Variants in EFHB observed in about 807,000 individuals in gnomAD.
EFHB encodes the protein EF-hand domain-containing family member B.
A neutral mutation model predicts 87.2 loss-of-function variants in EFHB; 91 were observed. The ratio of observed to expected loss-of-function variants is 1.04; its 90% CI spans 0.88 to 1.24. EFHB has a LOEUF of 1.24. Among genes scored for constraint, EFHB ranks in the 50% most tolerant of loss-of-function variants. The probability of loss-of-function intolerance (pLI) is 0.00; values close to 1 mark genes in which losing one functional copy is unlikely to be tolerated. For missense variants in EFHB, 1,084 were observed against 998.8 expected (o/e 1.09, Z -1.15); for synonymous variants, 325 against 333.6 (o/e 0.97, Z 0.28).
intron 8 of EFHB, among the ~76,000 whole-genome samples, chr3:19,898,199 G>C (rs1377424834): frequency 6.6e-6 from 1 of 152,176 alleles, no homozygotes; most frequent in Admixed American, 6.5e-5. Flanking sequence ...TTTATGTATT[G>C]ATTGATTGAT....
intron 1 of EFHB, chr3:19,941,147 T>C (rs1021382544): frequency 5.2e-6 from 2 of 386,236 alleles, no homozygotes; most frequent in East Asian, 5.8e-5. Flanking sequence ...TTCTGAATCC[T>C]GGGGATAAAA....
At chr3:19,922,783 A>G (rs1575038093) in intron 1 of EFHB, among the ~76,000 whole-genome samples, 1 of 152,244 alleles carries the variant, frequency 6.6e-6, no homozygotes, top group Non-Finnish European at 1.5e-5. Context: ...AACCTCATAG[A>G]GATCGTTGAG....
At position 19,888,466 on chromosome 3, in the gene EFHB, A is replaced by T; in HGVS notation, c.1911T>A (p.Tyr637Ter). The T allele has an allele frequency of 6.4e-7, 1 of 1,559,058 alleles. No homozygotes were observed. The highest frequency in any genetic ancestry group is 8.7e-7 in the Non-Finnish European group (1 of 1,148,766). ...TACCTTTAATAATGACCCTCTCTTC[A>T]TACTCTTTAAGAAGCATTTTGTCTT... ...NWKDKMLLKEYEERVIIKGRK... is the reference protein window; with the variant it reads ...NWKDKMLLKE The change falls in exon 10 of 13, where the codon TAT (tyrosine) becomes TAA (stop). Residue 637 changes from tyrosine to a stop codon, truncating the protein, a stop_gained. Transcript: ENST00000295824. LOFTEE classifies it high-confidence loss of function.
intron 5 of EFHB, among the ~76,000 whole-genome samples, chr3:19,915,053 C>T (rs1332385193): frequency 2.6e-5 from 4 of 151,868 alleles, no homozygotes; most frequent in Non-Finnish European, 4.4e-5. Context: ...GATCATACCA[C>T]TGCACTCCAA....
chr3:19,918,228 C>A lies in EFHB; in HGVS notation c.1177+4G>T. On this transcript the variant is annotated splice_donor_region_variant and intron_variant, in intron 4 of 12. Transcript: ENST00000295824. ...TTCCCACCCCTTATTTTTTTTTTTA[C>A]TACCTTTGATGACTGCTGTCCCAAA... is the stretch of plus-strand genomic sequence containing the variant. The A allele has an allele frequency of 1.3e-6, 2 of 1,541,128 alleles. No homozygotes were observed. Among genetic ancestry groups the A allele is most frequent in the Non-Finnish European group, 1.7e-6 (2 of 1,148,982 alleles).
chr3:19,934,323 CTCTCTCTCCCCTCT>C, upstream of EFHB: 1 of 1,181,444 alleles, frequency 8.5e-7, no homozygotes, highest in Non-Finnish European at 1.1e-6. Flanking sequence ...CTCAATCTCT[CTCTCTCTCCCCTCT>C]TCTCTCTCCT....
upstream of EFHB, among the ~76,000 whole-genome samples, chr3:19,936,593 C>T (rs550926458): frequency 3.3e-5 from 5 of 152,088 alleles, no homozygotes; most frequent in South Asian, 2.1e-4. Context: ...TAAGGCCAGG[C>T]GCAGTGGCTC....
At chr3:19,879,883 G>C in intron 12 of EFHB, 79 bp from the exon 13 acceptor site, 1 of 1,382,176 alleles carries the variant, frequency 7.2e-7, no homozygotes, top group Non-Finnish European at 9.6e-7. Context: ...TAACATCTAA[G>C]ACTATGGATA....
chr3:19,940,736 G>T, intron 1 of EFHB: 1 of 335,726 alleles, frequency 3.0e-6, no homozygotes, highest in Non-Finnish European at 6.0e-6. Flanking sequence ...AGATGCCATT[G>T]GCATCAATAT....
At position 19,919,874 on chromosome 3, in the gene EFHB, G is replaced by T. The variant is rs1695376286; in HGVS notation, c.955C>A (p.Pro319Thr). ...YGRANDPQIAPYLTHGIRSKI... is the reference protein window; with the variant it reads ...YGRANDPQIATYLTHGIRSKI... ...GATCTAATTCCATGTGTCAAATAAG[G>T]TGCAATCTGGGGATCATTTGCTCTT... The change falls in exon 3 of 13, where the codon CCT becomes ACT. Residue 319 changes from proline (P) to threonine (T), a missense_variant. Pro to Thr is a conservative substitution (Grantham distance 38, BLOSUM62 -1). Coordinates refer to ENST00000295824, the MANE Select transcript of EFHB (RefSeq NM_144715.4). 3.1e-6 allele frequency: 5 copies of T among 1,613,536 alleles called. No homozygotes were observed. The highest frequency in any genetic ancestry group is 4.2e-6 in the Non-Finnish European group (5 of 1,179,614).
chr3:19,891,074 C>T (rs201854577), intron 9 of EFHB, among the ~76,000 whole-genome samples: 10 of 105,440 alleles, frequency 9.5e-5, no homozygotes, highest in Non-Finnish European at 1.8e-4. Flanking sequence ...GTTGTTATTG[C>T]TGCTGCTGCT....
intron 5 of EFHB, among the ~76,000 whole-genome samples, chr3:19,908,592 GAGAGAGAGAA>G (rs1294185164): frequency 4.5e-3 from 491 of 109,234 alleles, no homozygotes; most frequent in African/African-American, 8.6e-3. Flanking sequence ...GAGAGAGAGA[GAGAGAGAGAA>G]AGAAAGAAAG....
intron 9 of EFHB, among the ~76,000 whole-genome samples, chr3:19,896,021 C>T (rs575692034): frequency 1.3e-5 from 2 of 152,268 alleles, no homozygotes; most frequent in African/African-American, 2.4e-5. Context: ...AATGATCTTA[C>T]ACTCTCAAAA....
At chr3:19,922,821 G>A (rs779961721) in intron 1 of EFHB, among the ~76,000 whole-genome samples, 2 of 152,122 alleles carry the variant, frequency 1.3e-5, no homozygotes, top group Admixed American at 6.5e-5. Context: ...CATATAAAAC[G>A]CTTAGAACAG....
At chr3:19,936,181 G>T, upstream of EFHB, 2 of 1,223,162 alleles carry the variant, frequency 1.6e-6, no homozygotes, top group Non-Finnish European at 2.3e-6. Context: ...CAGAAGAATT[G>T]CTTAACGCCA....
upstream of EFHB, among the ~76,000 whole-genome samples, chr3:19,935,679 C>G (rs889491028): frequency 6.6e-6 from 1 of 151,988 alleles, no homozygotes; most frequent in Non-Finnish European, 1.5e-5. Context: ...CCACGACACT[C>G]AAGCCTGAAC....
At chr3:19,937,298 T>C (rs945224539), upstream of EFHB, among the ~76,000 whole-genome samples, 11 of 152,192 alleles carry the variant, frequency 7.2e-5, no homozygotes, top group Non-Finnish European at 1.6e-4. Flanking sequence ...CCATTTGCAA[T>C]ACAGTGTTTA....
At chr3:19,915,269 T>A (rs1695188450) in intron 5 of EFHB, 34 bp downstream of exon 5, 1 of 1,442,882 alleles carries the variant, frequency 6.9e-7, no homozygotes. Context: ...GAGTCCCATA[T>A]CCTCAGGCCC....
At chr3:19,943,666 G>GA (rs763511062) in intron 1 of EFHB, among the ~76,000 whole-genome samples, 251 of 152,120 alleles carry the variant, frequency 1.7e-3, no homozygotes, top group Non-Finnish European at 2.6e-3. Context: ...AAAGCATACA[G>GA]AATAGCCTAC....
Sources: gnomAD v4.1 joint callset for allele counts (sites outside exome capture counted in the v4.1 genomes callset) on GRCh38, gnomAD v4.1.1 for gene constraint, MANE v1.5 for transcripts, NCBI Gene and HGNC (gene_info 2026-07-23, HGNC 2026-07-21) for gene names.